FRMD4A: variants seen among roughly 807,000 people sequenced by gnomAD.
FRMD4A encodes FERM domain-containing protein 4A.
FRMD4A carries 29 observed loss-of-function variants against 129.1 expected under a neutral mutation model. The observed-to-expected ratio is 0.22, with a 90% confidence interval of 0.17 to 0.31. The LOEUF (loss-of-function observed/expected upper bound fraction) is 0.31. Among genes scored for constraint, FRMD4A ranks in the 10% least tolerant of loss-of-function variants. The probability of loss-of-function intolerance (pLI) is 1.00; values close to 1 mark genes in which losing one functional copy is unlikely to be tolerated. For synonymous variants in FRMD4A, 634 were observed against 571.6 expected (o/e 1.11, Z -1.56); for missense variants, 1,272 against 1,375.8 (o/e 0.92, Z 1.19).
chr10:14,044,608 C>T (rs1398618422), intron 2 of FRMD4A, among the ~76,000 whole-genome samples: 1 of 152,204 alleles, frequency 6.6e-6, no homozygotes, highest in Non-Finnish European at 1.5e-5. Context: ...TGGCAAGCAG[C>T]AGGAGCTGGG....
At chr10:14,192,986 G>A (rs185117005) in intron 2 of FRMD4A, among the ~76,000 whole-genome samples, 34 of 152,300 alleles carry the variant, frequency 2.2e-4, no homozygotes, top group African/African-American at 7.2e-4. Context: ...GAGTAACAGC[G>A]TGTATTTGCT....
At chr10:13,857,284 G>C (rs1449718107) in intron 3 of FRMD4A, among the ~76,000 whole-genome samples, 1 of 152,080 alleles carries the variant, frequency 6.6e-6, no homozygotes, top group African/African-American at 2.4e-5. Flanking sequence ...TTATGCAGCT[G>C]TTCAGGAGAA....
Position 14,178,401 on chromosome 10 carries a change from A to G in FRMD4A, c.45+151657T>C, listed in dbSNP as rs542155325. Reference sequence around the variant, plus strand: ...AGCCAGGTTCTGTGTTAGACACTTAAAAGCACAAAGTCTTGTGTTTATCAA... The same window carrying G: ...AGCCAGGTTCTGTGTTAGACACTTAGAAGCACAAAGTCTTGTGTTTATCAA... On this transcript the variant is annotated intron_variant, in intron 2 of 24. Transcript: ENST00000357447. 1.4e-4 allele frequency among the ~76,000 whole-genome samples: 22 copies of G among 152,334 alleles called. No individual in the cohort carries two copies. The South Asian group carries it at 4.6e-3, about 32-fold the overall frequency.
chr10:13,927,147 C>G (rs1405168340), intron 2 of FRMD4A, among the ~76,000 whole-genome samples: 1 of 152,012 alleles, frequency 6.6e-6, no homozygotes, highest in Non-Finnish European at 1.5e-5. Context: ...ATCCCAGCTA[C>G]TGGGGAGGTG....
intron 2 of FRMD4A, among the ~76,000 whole-genome samples, chr10:14,175,577 A>G (rs1385947121): frequency 2.8e-5 from 4 of 144,068 alleles, no homozygotes; most frequent in Admixed American, 2.2e-4. Flanking sequence ...GCTGCAGTAC[A>G]GTGGTGCAAT....
At chr10:13,695,165 G>A (rs962307119) in intron 14 of FRMD4A, among the ~76,000 whole-genome samples, 2 of 150,026 alleles carry the variant, frequency 1.3e-5, no homozygotes, top group African/African-American at 4.9e-5. Context: ...TTTTTTTTGA[G>A]ACAGAGTCTC....
At chr10:13,978,762 G>C (rs767087506) in intron 2 of FRMD4A, among the ~76,000 whole-genome samples, 2 of 152,136 alleles carry the variant, frequency 1.3e-5, no homozygotes, top group African/African-American at 4.8e-5. Context: ...TCATCTTGGG[G>C]ACTGGAGAAT....
intron 2 of FRMD4A, among the ~76,000 whole-genome samples, chr10:14,091,987 A>G (rs1836687537): frequency 6.6e-6 from 1 of 152,218 alleles, no homozygotes; most frequent in African/African-American, 2.4e-5. Flanking sequence ...ACTTGGCCTC[A>G]GATGATTGTG....
At chr10:13,782,240 A>G (rs2092755344) in intron 6 of FRMD4A, among the ~76,000 whole-genome samples, 1 of 152,148 alleles carries the variant, frequency 6.6e-6, no homozygotes, top group Non-Finnish European at 1.5e-5. Flanking sequence ...GTATTTGGTT[A>G]TAAGAAGCTC....
intron 2 of FRMD4A, chr10:13,972,039 A>G (rs45462191): frequency 0.052 from 60,768 of 1,158,278 alleles, 1,768 homozygotes; most frequent in Middle Eastern, 0.087. Context: ...CTCCCTCCCA[A>G]AGTGTTTTCT....
chr10:14,066,271 C>G (rs1033905590), intron 2 of FRMD4A, among the ~76,000 whole-genome samples: 68 of 151,544 alleles, frequency 4.5e-4, no homozygotes, highest in African/African-American at 1.6e-3. Context: ...TGCTGCCAAA[C>G]CAAAGTCACG....
chr10:13,958,054 TGTC>T (rs2095420490), intron 2 of FRMD4A, among the ~76,000 whole-genome samples: 1 of 152,176 alleles, frequency 6.6e-6, no homozygotes, highest in Non-Finnish European at 1.5e-5. Flanking sequence ...TGGTATTTCT[TGTC>T]GGGATTTCTC....
chr10:13,876,185 A>G (rs1477250837), intron 2 of FRMD4A, among the ~76,000 whole-genome samples: 9 of 152,226 alleles, frequency 5.9e-5, no homozygotes, highest in Non-Finnish European at 8.8e-5. Context: ...TTCCTCTCCA[A>G]TAAGTTGTGA....
intron 2 of FRMD4A, among the ~76,000 whole-genome samples, chr10:13,884,275 G>C (rs1227961181): frequency 2.7e-5 from 4 of 150,224 alleles, no homozygotes; most frequent in African/African-American, 9.8e-5. Context: ...TCAGGATCTA[G>C]GCTTATTTCT....
At chr10:14,256,825 A>C (rs531823520) in intron 2 of FRMD4A, among the ~76,000 whole-genome samples, 1 of 152,138 alleles carries the variant, frequency 6.6e-6, no homozygotes, top group Non-Finnish European at 1.5e-5. Flanking sequence ...TCTTCAAAAA[A>C]TTTTTTAAAA....
intron 2 of FRMD4A, among the ~76,000 whole-genome samples, chr10:14,159,713 C>T (rs1403742608): frequency 6.6e-6 from 1 of 151,980 alleles, no homozygotes; most frequent in Non-Finnish European, 1.5e-5. Flanking sequence ...ACAAAAACAA[C>T]AACAAAAAAA....
At chr10:14,082,513 C>G (rs1042589879) in intron 2 of FRMD4A, among the ~76,000 whole-genome samples, 35 of 152,104 alleles carry the variant, frequency 2.3e-4, no homozygotes, top group Non-Finnish European at 5.9e-5. Flanking sequence ...TTCCTCCATG[C>G]TGTGGTATCT....
At chr10:14,114,927 TGAGTGGATGTGG>T (rs1371279601) in intron 2 of FRMD4A, among the ~76,000 whole-genome samples, 4 of 152,126 alleles carry the variant, frequency 2.6e-5, no homozygotes, top group Non-Finnish European at 5.9e-5. Context: ...GAGCAAGTTG[TGAGTGGATGTGG>T]GAGAAGGTAC....
intron 2 of FRMD4A, among the ~76,000 whole-genome samples, chr10:14,039,479 T>TTGGAACCCCAAA (rs1833691224): frequency 6.7e-6 from 1 of 148,500 alleles, no homozygotes; most frequent in African/African-American, 2.5e-5. Flanking sequence ...TCTATCTATC[T>TTGGAACCCCAAA]ATCTATCTAT....
Sources: gnomAD v4.1 joint callset for allele counts (sites outside exome capture counted in the v4.1 genomes callset) on GRCh38, gnomAD v4.1.1 for gene constraint, MANE v1.5 for transcripts, NCBI Gene and HGNC (gene_info 2026-07-23, HGNC 2026-07-21) for gene names.